Variants in ZNF33A observed in about 807,000 individuals in gnomAD.
ZNF33A encodes the protein brain my041 protein.
Under a neutral mutation model 15.9 loss-of-function variants are expected in ZNF33A, and 9 were observed. That is an observed-to-expected ratio of 0.57 (90% CI 0.34 to 0.99). ZNF33A has a LOEUF of 0.99. ZNF33A is among the 50% of genes least tolerant of loss of function. The pLI, the probability that ZNF33A is intolerant of heterozygous loss-of-function variation, is 0.02. For missense variants in ZNF33A, 843 were observed against 941.6 expected, an observed-to-expected ratio of 0.90 and a Z score of 1.37; for synonymous variants, 294 against 324.2, an observed-to-expected ratio of 0.91 and a Z score of 1.00.
chr10:38,012,473 C>T (rs2064233737), intron 2 of ZNF33A, 123 bp downstream of exon 2: 1 of 1,213,330 alleles, frequency 8.2e-7, no homozygotes, highest in Non-Finnish European at 1.1e-6. Flanking sequence ...ACTCTGTCAC[C>T]CAGGCTGGAG....
intron 2 of ZNF33A, among the ~76,000 whole-genome samples, chr10:38,014,222 T>C (rs1047730580): frequency 6.6e-6 from 1 of 151,770 alleles, no homozygotes; most frequent in Non-Finnish European, 1.5e-5. Context: ...TGTATTTTAG[T>C]AGAGACAGGG....
At chr10:38,054,256 A>G in intron 4 of ZNF33A, 119 bp from the exon 5 acceptor site, 1 of 1,071,052 alleles carries the variant, frequency 9.3e-7, no homozygotes, top group Non-Finnish European at 1.3e-6. Flanking sequence ...AATTATGTTC[A>G]TCTCTGGAAA....
downstream of ZNF33A, among the ~76,000 whole-genome samples, chr10:38,063,528 A>AGTT (rs10691558): frequency 0.24 from 36,120 of 152,010 alleles, 4,425 homozygotes; most frequent in Admixed American, 0.29. Flanking sequence ...GATTTCATGG[A>AGTT]GTTGTTTTGC....
chr10:38,016,968 T>G lies in ZNF33A; in HGVS notation c.107T>G (p.Leu36Arg). Reference sequence around the variant, plus strand: ...CACCTGGACCCTAGTCAGAGGGCTCTGTATAGAGATGTGATGCTGGAGAAC... The same window carrying G: ...CACCTGGACCCTAGTCAGAGGGCTCGGTATAGAGATGTGATGCTGGAGAAC... The part of the protein sequence containing the change: ...WQHLDPSQRA[L>R]YRDVMLENYS... Residue 36 changes from leucine to arginine, a missense_variant, in exon 3 of 5, where the codon CTG becomes CGG. By Grantham distance (102) the Leu-to-Arg change is moderately radical (BLOSUM62 -2). Transcript: ENST00000432900. 6.2e-7 allele frequency: 1 copy of G among 1,612,234 alleles called. No homozygotes were observed. Among genetic ancestry groups the G allele is most frequent in the Non-Finnish European group, 8.5e-7 (1 of 1,179,274 alleles).
intron 4 of ZNF33A, among the ~76,000 whole-genome samples, chr10:38,021,516 C>T (rs1187371590): frequency 4.6e-5 from 7 of 151,802 alleles, no homozygotes; most frequent in Non-Finnish European, 8.8e-5. Flanking sequence ...TGGCGCATGC[C>T]TGTAGTCCCA....
downstream of ZNF33A, among the ~76,000 whole-genome samples, chr10:38,062,974 G>T (rs746482161): frequency 4.1e-5 from 5 of 120,918 alleles, no homozygotes; most frequent in Admixed American, 1.1e-4. Flanking sequence ...CTGCACTCCA[G>T]CCTGGACGAC....
At chr10:38,042,284 C>T (rs1163744100) in intron 4 of ZNF33A, among the ~76,000 whole-genome samples, 1 of 151,734 alleles carries the variant, frequency 6.6e-6, no homozygotes, top group Non-Finnish European at 1.5e-5. Context: ...CTCCTGGGTT[C>T]AAGCGATTCT....
At chr10:38,039,891 T>G (rs746185154) in intron 4 of ZNF33A, among the ~76,000 whole-genome samples, 1 of 151,650 alleles carries the variant, frequency 6.6e-6, no homozygotes, top group Non-Finnish European at 1.5e-5. Context: ...ATAATCTTTC[T>G]GCTTTCCTGC....
At chr10:38,013,798 T>A (rs1282980619) in intron 2 of ZNF33A, among the ~76,000 whole-genome samples, 1 of 152,018 alleles carries the variant, frequency 6.6e-6, no homozygotes, top group East Asian at 1.9e-4. Flanking sequence ...CCCCTAAATT[T>A]TAAATATAGA....
rs570625991 is a variant in ZNF33A, at chr10:38,027,946, G to T, written c.250+10560G>T. Among the ~76,000 whole-genome samples, 6 of 152,146 alleles carry T rather than the reference G, an allele frequency of 3.9e-5. No homozygotes were observed. The South Asian group carries it at 1.2e-3, about 32-fold the overall frequency. ...ATTTATTTGTGTCTTTGGATCTAAA[G>T]TCAGTTTGTTTTGGACAATGTGTAG... On this transcript the variant is annotated intron_variant, in intron 4 of 4. Transcript: ENST00000432900.
At chr10:38,049,196 C>T (rs1223008371) in intron 4 of ZNF33A, among the ~76,000 whole-genome samples, 2 of 151,822 alleles carry the variant, frequency 1.3e-5, no homozygotes, top group Non-Finnish European at 2.9e-5. Flanking sequence ...AAGAAGAGTT[C>T]AAAGGGGAAA....
At chr10:38,041,940 C>G (rs1001791188) in intron 4 of ZNF33A, among the ~76,000 whole-genome samples, 3 of 151,934 alleles carry the variant, frequency 2.0e-5, no homozygotes, top group African/African-American at 7.3e-5. Context: ...TGGTGGTTGA[C>G]CCATCTTCTT....
intron 4 of ZNF33A, among the ~76,000 whole-genome samples, chr10:38,033,567 T>C (rs1409568590): frequency 6.6e-6 from 1 of 152,212 alleles, no homozygotes; most frequent in Non-Finnish European, 1.5e-5. Context: ...TTTACAATCC[T>C]GCCAGCAATG....
At chr10:38,041,081 C>G (rs1468656855) in intron 4 of ZNF33A, among the ~76,000 whole-genome samples, 1 of 151,932 alleles carries the variant, frequency 6.6e-6, no homozygotes, top group Admixed American at 6.6e-5. Flanking sequence ...GTACTCTATT[C>G]CTTTTACTTT....
intron 4 of ZNF33A, among the ~76,000 whole-genome samples, chr10:38,052,585 A>G (rs1204960832): frequency 6.6e-6 from 1 of 152,174 alleles, no homozygotes. Flanking sequence ...GATTTCTTGT[A>G]GTAATTGAGT....
chr10:38,052,313 A>G (rs535421519), intron 4 of ZNF33A, among the ~76,000 whole-genome samples: 7 of 152,290 alleles, frequency 4.6e-5, no homozygotes, highest in Admixed American at 2.6e-4. Context: ...TTTTACTTCT[A>G]TATATTAGCA....
At chr10:38,053,459 A>C (rs933310567) in intron 4 of ZNF33A, among the ~76,000 whole-genome samples, 1 of 152,032 alleles carries the variant, frequency 6.6e-6, no homozygotes, top group African/African-American at 2.4e-5. Flanking sequence ...TTTGTGTCTT[A>C]CCCTTATGAC....
At chr10:38,053,834 G>C (rs1300276028) in intron 4 of ZNF33A, among the ~76,000 whole-genome samples, 1 of 152,084 alleles carries the variant, frequency 6.6e-6, no homozygotes, top group African/African-American at 2.4e-5. Context: ...GAGTAGTTTT[G>C]TGTTTCATCC....
chr10:38,017,092 T>A, intron 3 of ZNF33A, 77 bp downstream of exon 3: 1 of 1,541,588 alleles, frequency 6.5e-7, no homozygotes, highest in Non-Finnish European at 8.7e-7. Flanking sequence ...GCAGTCTGTA[T>A]AGTTTAATGA....
Sources: allele counts gnomAD v4.1 joint callset (sites outside exome capture counted in the v4.1 genomes callset), GRCh38; gene constraint gnomAD v4.1.1; transcripts MANE v1.5; gene names NCBI Gene and HGNC (gene_info 2026-07-23, HGNC 2026-07-21).